Variants in PHYKPL observed in about 807,000 individuals in gnomAD.
The protein encoded by PHYKPL is 5-phosphonooxy-L-lysine phospho-lyase.
PHYKPL carries 42 observed loss-of-function variants against 51.3 expected under a neutral mutation model. That is an observed-to-expected ratio of 0.82 (90% CI 0.64 to 1.06). PHYKPL has a LOEUF of 1.06. Ranked by LOEUF, PHYKPL falls within the 50% of genes least tolerant of loss-of-function variation. The probability of loss-of-function intolerance (pLI) is 0.00; values close to 1 mark genes in which losing one functional copy is unlikely to be tolerated. For synonymous variants in PHYKPL, 264 were observed against 236.0 expected, an observed-to-expected ratio of 1.12 and a Z score of -1.09; for missense variants, 655 against 586.6, an observed-to-expected ratio of 1.12 and a Z score of -1.20.
chr5:178,209,475 C>T, intron 12 of PHYKPL: 2 of 1,578,344 alleles, frequency 1.3e-6, no homozygotes, highest in East Asian at 2.2e-5. Context: ...GAAGATAGGT[C>T]CTGTTTCCCT....
intron 8 of PHYKPL, among the ~76,000 whole-genome samples, chr5:178,217,864 A>G (rs577628992): frequency 3.5e-4 from 53 of 149,620 alleles, no homozygotes; most frequent in Non-Finnish European, 1.3e-4. Context: ...TCTCAGAAAA[A>G]AAAAAAAAAA....
At chr5:178,211,865 A>T in intron 12 of PHYKPL, 25 bp downstream of exon 12, 2 of 1,547,810 alleles carry the variant, frequency 1.3e-6, no homozygotes, top group Non-Finnish European at 1.8e-6. Context: ...TGCATCTTCA[A>T]GAGTAAGAAG....
intron 12 of PHYKPL, chr5:178,209,271 G>A (rs1413490589): frequency 7.7e-7 from 1 of 1,305,718 alleles, no homozygotes; most frequent in Non-Finnish European, 1.1e-6. Context: ...GAAGGTGTTT[G>A]GGCAGTCACT....
chr5:178,225,718 C>T (rs1316016409), intron 3 of PHYKPL: 2 of 439,398 alleles, frequency 4.6e-6, no homozygotes, highest in Admixed American at 7.0e-5. Context: ...CCTCTGCTTT[C>T]ACACTACAAC....
Position 178,215,286 on chromosome 5 carries a change from C to A in PHYKPL, c.1072G>T (p.Gly358Trp). The A allele has an allele frequency of 6.2e-7, 1 of 1,614,028 alleles. No individual in the cohort carries two copies. Among genetic ancestry groups the A allele is most frequent in the South Asian group, 1.1e-5 (1 of 91,072 alleles). Residue 358 changes from glycine (G) to tryptophan (W), a missense_variant, in exon 9 of 13, where the codon GGG becomes TGG. Physicochemically the swap from Gly to Trp is radical, Grantham distance 184. Transcript: ENST00000308158. ...GQQKIKHPIV[G>W]DVRGVGLFIG... Reference sequence around the variant, plus strand: ...CCCCCAGAGCCTCACCTGACATCCCCGACGATGGGATGTTTGATTTTTTGC... The same window carrying A: ...CCCCCAGAGCCTCACCTGACATCCCAGACGATGGGATGTTTGATTTTTTGC...
At chr5:178,221,775 A>G (rs1175692945) in intron 8 of PHYKPL, among the ~76,000 whole-genome samples, 2 of 151,902 alleles carry the variant, frequency 1.3e-5, no homozygotes, top group Non-Finnish European at 2.9e-5. Flanking sequence ...TCCAAAGAGT[A>G]CTCTCTCCAG....
chr5:178,232,360 G>A (rs1449477466), intron 1 of PHYKPL, 132 bp downstream of exon 1: 3 of 1,291,942 alleles, frequency 2.3e-6, no homozygotes, highest in East Asian at 3.3e-5. Flanking sequence ...CCGGGGCAGC[G>A]GCCGGACGGG....
chr5:178,217,143 T>C (rs1209177328), intron 8 of PHYKPL, among the ~76,000 whole-genome samples: 3 of 151,526 alleles, frequency 2.0e-5, no homozygotes, highest in Non-Finnish European at 4.4e-5. Context: ...TAATGATAGA[T>C]AAATTATTAA....
rs962261321 is a variant in PHYKPL, at chr5:178,232,353, G to C, written c.59+139C>G. 8 of 1,285,758 alleles carry C rather than the reference G, an allele frequency of 6.2e-6. No individual in the cohort carries two copies. The Admixed American group carries it at 1.3e-4, about 20-fold the overall frequency. 79.6% of individuals were successfully genotyped at this position (1,285,758 alleles called of 1,614,324 possible). A position where few individuals can be genotyped will look rare whatever the true frequency, so the allele number is the denominator to read the frequency against. ...GGCCCTAGAAGCTCCAGCGGGGCCG[G>C]GGCAGCGGCCGGACGGGATGGGTAG... On this transcript the variant is annotated intron_variant, in intron 1 of 12. Transcript: ENST00000308158.
At position 178,225,762 on chromosome 5, in the gene PHYKPL, A is replaced by C. The variant is rs140487202; in HGVS notation, c.339-333T>G. On this transcript the variant is annotated intron_variant, in intron 3 of 12. Coordinates refer to ENST00000308158, the MANE Select transcript of PHYKPL (RefSeq NM_153373.4). The stretch of plus-strand genomic sequence containing the variant: ...CAGAAGACTTCTGTGACTCCAAAAA[A>C]TATGTAAGGATTTCTCCCCACCACC... 2,059 of 305,632 alleles carry C rather than the reference A, an allele frequency of 6.7e-3. 43 individuals carry two copies. Among genetic ancestry groups the C allele is most frequent in the African/African-American group, 0.041 (1,930 of 47,104 alleles). The allele number at this position is 305,632 out of a possible 1,614,324, so 18.9% of individuals were successfully genotyped here.
At chr5:178,228,420 C>T (rs1762705672) in intron 3 of PHYKPL, 1 of 642,380 alleles carries the variant, frequency 1.6e-6, no homozygotes, top group South Asian at 1.8e-5. Context: ...TTGGATTTGG[C>T]AACATGGAAG....
chr5:178,228,733 T>C (rs1443282824), intron 3 of PHYKPL: 4 of 646,290 alleles, frequency 6.2e-6, no homozygotes, highest in African/African-American at 3.6e-5. Context: ...CCAGATACAC[T>C]GTAATCGCCT....
chr5:178,217,139 T>C (rs1759963902), intron 8 of PHYKPL: 1 of 151,686 alleles, frequency 6.6e-6, no homozygotes, highest in Admixed American at 6.6e-5. Context: ...AGTCTAATGA[T>C]AGATAAATTA....
At chr5:178,224,946 ATCTC>A in intron 4 of PHYKPL, 1 of 565,684 alleles carries the variant, frequency 1.8e-6, no homozygotes, top group Non-Finnish European at 3.1e-6. Flanking sequence ...TCATCATTTA[ATCTC>A]TCTCGGTTGT....
chr5:178,222,319 C>A, intron 8 of PHYKPL, 36 bp downstream of exon 8: 1 of 1,571,544 alleles, frequency 6.4e-7, no homozygotes, highest in African/African-American at 1.3e-5. Flanking sequence ...CCTATCAGAA[C>A]CCATGTTGCT....
intron 5 of PHYKPL, 37 bp from the exon 6 acceptor site, chr5:178,224,601 G>A: frequency 6.2e-7 from 1 of 1,614,078 alleles, no homozygotes; most frequent in Non-Finnish European, 8.5e-7. Context: ...TCCGGGCTTG[G>A]GGACAGGCAC....
At chr5:178,230,291 AT>A (rs1395143829) in intron 2 of PHYKPL, 192 bp from the exon 3 acceptor site, 2 of 627,862 alleles carry the variant, frequency 3.2e-6, no homozygotes, top group Non-Finnish European at 5.4e-6. Context: ...AGTTCCTGAG[AT>A]TCTGGCAGAA....
At chr5:178,207,754 G>A (rs975912369), downstream of PHYKPL, among the ~76,000 whole-genome samples, 12 of 146,316 alleles carry the variant, frequency 8.2e-5, no homozygotes, top group African/African-American at 2.6e-4. Context: ...CCAGGCTGGG[G>A]TGCGGTAACA....
chr5:178,210,787 C>CAGAGCTCT (rs1304491490), intron 12 of PHYKPL: 1 of 654,460 alleles, frequency 1.5e-6, no homozygotes, highest in Non-Finnish European at 2.8e-6. Flanking sequence ...TGACTATTTC[C>CAGAGCTCT]AGAGCTCTAG....
Sources: allele counts gnomAD v4.1 joint callset (sites outside exome capture counted in the v4.1 genomes callset), GRCh38; gene constraint gnomAD v4.1.1; transcripts MANE v1.5; gene names NCBI Gene and HGNC (gene_info 2026-07-23, HGNC 2026-07-21).